Variants in TCEAL3 observed in about 807,000 individuals in gnomAD.
TCEAL3 encodes the protein transcription elongation factor A protein-like 3.
For synonymous variants in TCEAL3, 41 were observed against 60.2 expected (o/e 0.68, Z 1.48); for missense variants, 99 against 156.4 (o/e 0.63, Z 1.96).
Position 103,608,686 on chromosome X carries a change from G to T in TCEAL3, c.-28+13G>T. ...AGAATCCCTGCAGGTCTGTGAAGGTGGTTGTGGGGGAGCTCAATGGACAGG... is the reference window on the plus strand; with the variant it reads ...AGAATCCCTGCAGGTCTGTGAAGGTTGTTGTGGGGGAGCTCAATGGACAGG... On this transcript the variant is annotated intron_variant, in intron 2 of 2. Transcript: ENST00000372627. 1.8e-6 allele frequency: 1 copy of T among 557,792 alleles called. No homozygotes were observed. The highest frequency in any genetic ancestry group is 4.6e-5 in the East Asian group (1 of 21,540). The allele number at this position is 557,792 out of a possible 1,213,427, so 46.0% of individuals were successfully genotyped here.
At chrX:103,608,739 G>A (rs2073641440) in intron 2 of TCEAL3, 66 bp downstream of exon 2, 1 of 455,217 alleles carries the variant, frequency 2.2e-6, no homozygotes, top group Non-Finnish European at 3.7e-6. Context: ...AGTGTGGAGG[G>A]CCCGGCCAGG....
Position 103,608,675 on chromosome X carries a change from T to C in TCEAL3, c.-28+2T>C. 3.4e-6 allele frequency: 2 copies of C among 584,645 alleles called. No homozygotes were observed. Among genetic ancestry groups the C allele is most frequent in the Non-Finnish European group, 5.4e-6 (2 of 368,644 alleles). The allele number at this position is 584,645 out of a possible 1,213,427, so 48.2% of individuals were successfully genotyped here. ...GCAACCTGTCCAGAATCCCTGCAGG[T>C]CTGTGAAGGTGGTTGTGGGGGAGCT... is the stretch of plus-strand genomic sequence containing the variant. On this transcript the variant is annotated splice_donor_variant, in intron 2 of 2. Coordinates refer to ENST00000372627, the MANE Select transcript of TCEAL3 (RefSeq NM_032926.3). LOFTEE classifies it low-confidence loss of function (5UTR_SPLICE).
chrX:103,608,714 C>A, intron 2 of TCEAL3, 41 bp downstream of exon 2: 5 of 495,983 alleles, frequency 1.0e-5, no homozygotes, highest in Non-Finnish European at 1.0e-5. Context: ...TGGACAGGGC[C>A]CTATAAGGGT....
intron 2 of TCEAL3, 142 bp downstream of exon 2, chrX:103,608,815 G>A: frequency 1.9e-6 from 1 of 515,963 alleles, no homozygotes; most frequent in South Asian, 3.6e-5. Flanking sequence ...CTGAACCAGT[G>A]CAGAGAAGGT....
rs1327381284 is a variant in TCEAL3, at chrX:103,609,333, C to G, written c.269C>G (p.Pro90Arg). 8.3e-7 allele frequency: 1 copy of G among 1,211,865 alleles called. No individual in the cohort carries two copies. Among genetic ancestry groups the G allele is most frequent in the Non-Finnish European group, 1.1e-6 (1 of 895,560 alleles). The change falls in exon 3 of 3, where the codon CCA becomes CGA. Residue 90 changes from proline to arginine, a missense_variant. Physicochemically the swap from Pro to Arg is moderately radical, Grantham distance 103. Coordinates refer to ENST00000372627, the MANE Select transcript of TCEAL3 (RefSeq NM_032926.3). ...GEGKPASQAKPESQPRAAEKR... is the reference protein window; with the variant it reads ...GEGKPASQAKRESQPRAAEKR... ...GGCAAGCCAGCCTCCCAGGCAAAGC[C>G]AGAGAGCCAGCCGCGGGCCGCCGAA...
intron 1 of TCEAL3, among the ~76,000 whole-genome samples, chrX:103,608,269 C>A (rs1424271470): frequency 8.9e-6 from 1 of 112,565 alleles, no homozygotes; most frequent in African/African-American, 3.2e-5. Flanking sequence ...AAATGGAGTA[C>A]GGGGGGGCAA....
intron 2 of TCEAL3, 103 bp from the exon 3 acceptor site, chrX:103,608,935 C>T: frequency 9.3e-7 from 1 of 1,073,427 alleles, no homozygotes; most frequent in South Asian, 2.5e-5. Context: ...GAACCCTCAC[C>T]AGGGGTGAGA....
Position 103,609,773 on chromosome X carries a change from T to C in TCEAL3, c.*106T>C. On this transcript the variant is annotated 3_prime_UTR_variant, in exon 3 of 3. Coordinates refer to ENST00000372627, the MANE Select transcript of TCEAL3 (RefSeq NM_032926.3). ...ATGCTTTAACCTTAAGCTGATACTTTGCTTTAGATGTCAGTCTCGTTACCA... is the reference window on the plus strand; with the variant it reads ...ATGCTTTAACCTTAAGCTGATACTTCGCTTTAGATGTCAGTCTCGTTACCA... 9.6e-7 allele frequency: 1 copy of C among 1,046,025 alleles called. No homozygotes were observed. The highest frequency in any genetic ancestry group is 1.9e-5 in the African/African-American group (1 of 53,431). The allele number at this position is 1,046,025 out of a possible 1,213,427, so 86.2% of individuals were successfully genotyped here. A position where few individuals can be genotyped will look rare whatever the true frequency, so the allele number is the denominator to read the frequency against.
rs1457115622 is a variant in TCEAL3, at chrX:103,609,203, AAG to A, written c.146_147del (p.Glu49GlyfsTer2). 1 of 1,211,445 alleles carries A rather than the reference AAG, an allele frequency of 8.3e-7. No homozygotes were observed. The highest frequency in any genetic ancestry group is 1.1e-6 in the Non-Finnish European group (1 of 895,406). ...GGAGGGGAAGACAGAATGCGAGGGA[AAG>A]AGAGAGGATGAGGGAGAGCCAGGTG... ...DVEGKTECEGKREDEGEPGDE... is the reference protein window; with the variant it reads ...DVEGKTECEGXREDEGEPGDE... On this transcript the variant is annotated frameshift_variant, in exon 3 of 3. Coordinates refer to ENST00000372627, the MANE Select transcript of TCEAL3 (RefSeq NM_032926.3). LOFTEE classifies it low-confidence loss of function (END_TRUNC).
intron 2 of TCEAL3, 31 bp from the exon 3 acceptor site, chrX:103,609,007 G>A: frequency 8.6e-7 from 1 of 1,164,855 alleles, no homozygotes; most frequent in Non-Finnish European, 1.1e-6. Flanking sequence ...TCTCTTATTT[G>A]TCTCCTCTTC....
intron 2 of TCEAL3, 131 bp downstream of exon 2, chrX:103,608,804 G>C: frequency 2.0e-6 from 1 of 499,525 alleles, no homozygotes; most frequent in South Asian, 3.9e-5. Flanking sequence ...ACCTTACCAG[G>C]CTGAACCAGT....
At position 103,609,199 on chromosome X, in the gene TCEAL3, G is replaced by C; in HGVS notation, c.135G>C (p.Glu45Asp). 8.3e-7 allele frequency: 1 copy of C among 1,211,763 alleles called. No individual in the cohort carries two copies. The highest frequency in any genetic ancestry group is 1.1e-6 in the Non-Finnish European group (1 of 895,517). ...KPDVEGKTEC[E>D]GKREDEGEPG... ...ACGTGGAGGGGAAGACAGAATGCGA[G>C]GGAAAGAGAGAGGATGAGGGAGAGC... The change falls in exon 3 of 3, where the codon GAG becomes GAC. Residue 45 changes from glutamate (E) to aspartate (D), a missense_variant. Glu to Asp is a conservative substitution (Grantham distance 45, BLOSUM62 2). Coordinates refer to ENST00000372627, the MANE Select transcript of TCEAL3 (RefSeq NM_032926.3).
Position 103,609,228 on chromosome X carries a change from G to A in TCEAL3, c.164G>A (p.Gly55Asp). 1 of 1,211,755 alleles carries A rather than the reference G, an allele frequency of 8.3e-7. No individual in the cohort carries two copies. Among genetic ancestry groups the A allele is most frequent in the Non-Finnish European group, 1.1e-6 (1 of 895,496 alleles). Residue 55 changes from glycine to aspartate, a missense_variant, in exon 3 of 3, where the codon GGT becomes GAT. Coordinates refer to ENST00000372627, the MANE Select transcript of TCEAL3 (RefSeq NM_032926.3). ...AAGAGAGAGGATGAGGGAGAGCCAG[G>A]TGATGAGGGACAACTGGAAGATGAG... ...EGKREDEGEPGDEGQLEDEGS... is the reference protein window; with the variant it reads ...EGKREDEGEPDDEGQLEDEGS...
In TCEAL3 at chrX:103,609,583, C is replaced by G. The variant is rs763069357; in HGVS notation, c.519C>G (p.Phe173Leu). 1 of 1,211,545 alleles carries G rather than the reference C, an allele frequency of 8.3e-7. No homozygotes were observed. Among genetic ancestry groups the G allele is most frequent in the East Asian group, 3.0e-5 (1 of 33,819 alleles). Reference protein sequence around the residue: ...HWMQRDVQDPFAPRGQRGVRG... With the variant: ...HWMQRDVQDPLAPRGQRGVRG... Reference sequence around the variant, plus strand: ...TGCAAAGAGATGTACAGGATCCATTCGCCCCAAGGGGACAACGGGGTGTCA... The same window carrying G: ...TGCAAAGAGATGTACAGGATCCATTGGCCCCAAGGGGACAACGGGGTGTCA... The change falls in exon 3 of 3, where the codon TTC becomes TTG. Residue 173 changes from phenylalanine (F) to leucine (L), a missense_variant. Phe to Leu is a conservative substitution (Grantham distance 22, BLOSUM62 0). Coordinates refer to ENST00000372627, the MANE Select transcript of TCEAL3 (RefSeq NM_032926.3).
At chrX:103,608,504 A>C in intron 1 of TCEAL3, 100 bp from the exon 2 acceptor site, 2 of 230,482 alleles carry the variant, frequency 8.7e-6, no homozygotes, top group East Asian at 1.2e-4. Flanking sequence ...TAGGGGAGGA[A>C]AACGTTGGGT....
chrX:103,609,219 G>A lies in TCEAL3; in HGVS notation c.155G>A (p.Gly52Glu), dbSNP rs778940958. 11 of 1,209,800 alleles carry A rather than the reference G, an allele frequency of 9.1e-6. No homozygotes were observed. Among genetic ancestry groups the A allele is most frequent in the Admixed American group, 4.4e-5 (2 of 45,812 alleles). The change falls in exon 3 of 3, where the codon GGA (glycine) becomes GAA (glutamate). Residue 52 changes from glycine (G) to glutamate (E), a missense_variant. Gly to Glu is a moderately conservative substitution (Grantham distance 98). Transcript: ENST00000372627. ...TECEGKREDE[G>E]EPGDEGQLED... ...TGCGAGGGAAAGAGAGAGGATGAGG[G>A]AGAGCCAGGTGATGAGGGACAACTG...
At position 103,608,024 on chromosome X, in the gene TCEAL3, C is replaced by G. The variant is rs753768965; in HGVS notation, c.-132C>G. On this transcript the variant is annotated 5_prime_UTR_variant, in exon 1 of 3. Coordinates refer to ENST00000372627, the MANE Select transcript of TCEAL3 (RefSeq NM_032926.3). ...GAGCAGCGAGCGGGCTTCCGCGAGCCGGAGAAGGCACAGGCCTGTCCCGGG... is the reference window on the plus strand; with the variant it reads ...GAGCAGCGAGCGGGCTTCCGCGAGCGGGAGAAGGCACAGGCCTGTCCCGGG... 12 of 113,375 alleles carry G rather than the reference C, an allele frequency of 1.1e-4. No homozygotes were observed. In the South Asian group the frequency reaches 2.5e-3, roughly 24 times the overall value. The allele number at this position is 113,375 out of a possible 1,213,427, so 9.3% of individuals were successfully genotyped here. A position where few individuals can be genotyped will look rare whatever the true frequency, so the allele number is the denominator to read the frequency against.
intron 2 of TCEAL3, 39 bp downstream of exon 2, chrX:103,608,712 G>GCCCT: frequency 2.0e-6 from 1 of 501,427 alleles, no homozygotes. Context: ...AATGGACAGG[G>GCCCT]CCCTATAAGG....
Position 103,609,476 on chromosome X carries a change from G to A in TCEAL3, c.412G>A (p.Glu138Lys), listed in dbSNP as rs2073646593. Residue 138 changes from glutamate to lysine, a missense_variant, in exon 3 of 3, where the codon GAG becomes AAG. Coordinates refer to ENST00000372627, the MANE Select transcript of TCEAL3 (RefSeq NM_032926.3). Reference sequence around the variant, plus strand: ...ACAGGAAAGGCATCTGAGCAGTGAGGAGATGATGAGAGAATGTGGAGATGT... The same window carrying A: ...ACAGGAAAGGCATCTGAGCAGTGAGAAGATGATGAGAGAATGTGGAGATGT... ...DLQERHLSSE[E>K]MMRECGDVSR... 8.3e-7 allele frequency: 1 copy of A among 1,210,281 alleles called. No individual in the cohort carries two copies. The highest frequency in any genetic ancestry group is 1.8e-5 in the South Asian group (1 of 56,818).
Sources: gnomAD v4.1 joint callset for allele counts (sites outside exome capture counted in the v4.1 genomes callset) on GRCh38, gnomAD v4.1.1 for gene constraint, MANE v1.5 for transcripts, NCBI Gene and HGNC (gene_info 2026-07-23, HGNC 2026-07-21) for gene names.